The following CPNE8 variants were observed in gnomAD, a reference collection of about 807,000 sequenced individuals.
CPNE8 encodes the protein copine-8.
In CPNE8, 45 loss-of-function variants were observed where a neutral mutation model predicts 81.5. That is an observed-to-expected ratio of 0.55 (90% CI 0.44 to 0.71). The LOEUF is 0.71. CPNE8 is among the 30% of genes least tolerant of loss of function. CPNE8 has a pLI of 0.00. For synonymous variants in CPNE8, 252 were observed against 226.3 expected (o/e 1.11, Z -1.02); for missense variants, 594 against 672.1 (o/e 0.88, Z 1.28).
intron 1 of CPNE8, among the ~76,000 whole-genome samples, chr12:38,901,611 C>A (rs11835596): frequency 0.053 from 8,137 of 152,112 alleles, 696 homozygotes; most frequent in African/African-American, 0.18. Context: ...AAAATGAATG[C>A]AAGAAGAGCT....
chr12:38,653,608 T>G lies in CPNE8; in HGVS notation c.*274A>C. 1.1e-5 allele frequency: 1 copy of G among 90,730 alleles called. No homozygotes were observed. Among genetic ancestry groups the G allele is most frequent in the Non-Finnish European group, 2.5e-5 (1 of 39,338 alleles). 5.6% of individuals were successfully genotyped at this position (90,730 alleles called of 1,614,324 possible). A position where few individuals can be genotyped will look rare whatever the true frequency, so the allele number is the denominator to read the frequency against. ...TCCCAACAATACATTGGAAATTAGCTGTTTCTGTTAAAAAAAAAAAGAAAG... is the reference window on the plus strand; with the variant it reads ...TCCCAACAATACATTGGAAATTAGCGGTTTCTGTTAAAAAAAAAAAGAAAG... On this transcript the variant is annotated 3_prime_UTR_variant, in exon 20 of 20. Transcript: ENST00000331366.
intron 6 of CPNE8, among the ~76,000 whole-genome samples, chr12:38,801,816 T>G (rs945715403): frequency 9.6e-6 from 1 of 104,398 alleles, no homozygotes; most frequent in Non-Finnish European, 2.0e-5. Flanking sequence ...GAGGAAGATC[T>G]ACCAAGCCAA....
At chr12:38,687,638 T>C (rs1939563193) in intron 15 of CPNE8, among the ~76,000 whole-genome samples, 1 of 152,052 alleles carries the variant, frequency 6.6e-6, no homozygotes, top group Admixed American at 6.6e-5. Flanking sequence ...CGCCTCAGCC[T>C]CCCAAAGTGC....
chr12:38,864,326 C>G (rs1219654518), intron 3 of CPNE8, among the ~76,000 whole-genome samples: 3 of 152,224 alleles, frequency 2.0e-5, no homozygotes, highest in South Asian at 2.1e-4. Flanking sequence ...TATTTACTAT[C>G]GATGGCTGCT....
chr12:38,705,611 C>T (rs542058273), intron 13 of CPNE8, among the ~76,000 whole-genome samples: 1 of 152,222 alleles, frequency 6.6e-6, no homozygotes, highest in East Asian at 1.9e-4. Context: ...TCTGGGAGAA[C>T]ATTTTCAGAT....
In CPNE8 at chr12:38,782,011, T is replaced by C. The variant is rs148040383; in HGVS notation, c.408-5710A>G. Among the ~76,000 whole-genome samples the C allele has an allele frequency of 3.6e-3, 553 of 152,148 alleles. 2 individuals carry two copies. The highest frequency in any genetic ancestry group is 0.013 in the African/African-American group (530 of 41,530). On this transcript the variant is annotated intron_variant, in intron 6 of 19. Coordinates refer to ENST00000331366, the MANE Select transcript of CPNE8 (RefSeq NM_153634.3). ...AATGAATTCTGGTATAAAAAGAACA[T>C]TAGTGAAAAATGAGTGAAATTCAAG...
intron 10 of CPNE8, among the ~76,000 whole-genome samples, chr12:38,747,415 T>G (rs1425874349): frequency 6.6e-6 from 1 of 152,202 alleles, no homozygotes; most frequent in Non-Finnish European, 1.5e-5. Context: ...TTATTTATAA[T>G]GTGGACATTT....
intron 7 of CPNE8, among the ~76,000 whole-genome samples, chr12:38,770,049 T>C (rs1941770183): frequency 6.6e-6 from 1 of 152,218 alleles, no homozygotes. Context: ...TGCAAAGTTT[T>C]GTTTTGTTTT....
At chr12:38,714,526 A>T (rs1384290929) in intron 13 of CPNE8, among the ~76,000 whole-genome samples, 1 of 152,022 alleles carries the variant, frequency 6.6e-6, no homozygotes, top group Non-Finnish European at 1.5e-5. Context: ...CACTATAACA[A>T]AGCTCCTTTA....
At chr12:38,685,445 T>C in intron 16 of CPNE8, 45 bp downstream of exon 16, 1 of 1,593,674 alleles carries the variant, frequency 6.3e-7, no homozygotes, top group East Asian at 2.3e-5. Context: ...GAGTTCACCA[T>C]GTTCCAGTAC....
At chr12:38,866,681 C>T (rs139748221) in intron 3 of CPNE8, among the ~76,000 whole-genome samples, 296 of 152,244 alleles carry the variant, frequency 1.9e-3, no homozygotes, top group Middle Eastern at 3.4e-3. Flanking sequence ...GCTCCCATAA[C>T]TAGTTATCAT....
rs777450316 is a variant in CPNE8, at chr12:38,776,269, A to G, written c.440T>C (p.Ile147Thr). ...GIPGKKCGTI[I>T]LTAEELNCCR... is the part of the protein sequence containing the mutation. ...ACAGTTTAATTCCTCTGCTGTAAGT[A>G]TGATTGTACCACATTTCTTCCCTGG... The change falls in exon 7 of 20, where the codon ATA (isoleucine) becomes ACA (threonine). Residue 147 changes from isoleucine to threonine, a missense_variant. Coordinates refer to ENST00000331366, the MANE Select transcript of CPNE8 (RefSeq NM_153634.3). The G allele has an allele frequency of 6.4e-7, 1 of 1,553,490 alleles. No individual in the cohort carries two copies. Among genetic ancestry groups the G allele is most frequent in the Non-Finnish European group, 8.8e-7 (1 of 1,142,658 alleles).
chr12:38,694,673 C>T (rs997797251), intron 14 of CPNE8, among the ~76,000 whole-genome samples: 1 of 152,168 alleles, frequency 6.6e-6, no homozygotes, highest in African/African-American at 2.4e-5. Flanking sequence ...ATATGTGCTA[C>T]CACTCAAACA....
At chr12:38,660,791 G>A (rs553564493) in intron 19 of CPNE8, among the ~76,000 whole-genome samples, 8 of 152,276 alleles carry the variant, frequency 5.3e-5, no homozygotes, top group Middle Eastern at 6.8e-3. Flanking sequence ...CCATCTAAAA[G>A]TGGGCAAAGG....
Position 38,665,202 on chromosome 12 carries a change from A to G in CPNE8, c.1506+5527T>C, listed in dbSNP as rs1939037853. Among the ~76,000 whole-genome samples the G allele has an allele frequency of 2.6e-5, 4 of 152,142 alleles. 1 individual carries two copies. Among genetic ancestry groups the G allele is most frequent in the African/African-American group, 2.4e-5 (1 of 41,438 alleles). ...TTAGGCCACTCTGTTTATTACCTCT[A>G]TTAGTCTCTCATTTCTGATCCCTGT... On this transcript the variant is annotated intron_variant, in intron 19 of 19. Transcript: ENST00000331366.
intron 10 of CPNE8, among the ~76,000 whole-genome samples, chr12:38,733,561 A>G (rs1344640182): frequency 6.6e-6 from 1 of 151,630 alleles, no homozygotes; most frequent in African/African-American, 2.4e-5. Context: ...TATAATTATA[A>G]CTAAAATAAT....
chr12:38,733,201 T>C (rs910434368), intron 10 of CPNE8, among the ~76,000 whole-genome samples: 4 of 151,974 alleles, frequency 2.6e-5, no homozygotes, highest in African/African-American at 9.7e-5. Context: ...AATTTTGTTA[T>C]AGATCTCTTT....
At chr12:38,860,804 T>C (rs992773555) in intron 3 of CPNE8, among the ~76,000 whole-genome samples, 7 of 152,108 alleles carry the variant, frequency 4.6e-5, no homozygotes, top group Non-Finnish European at 7.4e-5. Context: ...TTCAAATTCA[T>C]AGAAGCAAAA....
At chr12:38,715,764 TTCAACA>T (rs1327583600) in intron 13 of CPNE8, among the ~76,000 whole-genome samples, 1 of 152,130 alleles carries the variant, frequency 6.6e-6, no homozygotes, top group Non-Finnish European at 1.5e-5. Flanking sequence ...ACCACTTCTA[TTCAACA>T]TAGTATTGGA....
Sources: allele counts gnomAD v4.1 joint callset (sites outside exome capture counted in the v4.1 genomes callset), GRCh38; gene constraint gnomAD v4.1.1; transcripts MANE v1.5; gene names NCBI Gene and HGNC (gene_info 2026-07-23, HGNC 2026-07-21).